The following FAM184B variants were observed in gnomAD, a reference collection of about 807,000 sequenced individuals.
FAM184B encodes family with sequence similarity 184 member B.
FAM184B carries 111 observed loss-of-function variants against 135.9 expected under a neutral mutation model. The ratio of observed to expected loss-of-function variants is 0.82; its 90% CI spans 0.70 to 0.96. FAM184B has a LOEUF of 0.96. Among genes scored for constraint, FAM184B ranks in the 40% least tolerant of loss-of-function variants. The pLI is 0.00. For synonymous variants in FAM184B, 552 were observed against 524.8 expected, an observed-to-expected ratio of 1.05 and a Z score of -0.71; for missense variants, 1,375 against 1,323.9, an observed-to-expected ratio of 1.04 and a Z score of -0.60.
intron 6 of FAM184B, among the ~76,000 whole-genome samples, chr4:17,692,504 C>G (rs1716761495): frequency 6.6e-6 from 1 of 152,226 alleles, no homozygotes; most frequent in Non-Finnish European, 1.5e-5. Flanking sequence ...GCTGCAGCTC[C>G]TTACAGTCTC....
chr4:17,647,858 A>C, intron 11 of FAM184B, 67 bp from the exon 12 acceptor site: 15 of 1,477,730 alleles, frequency 1.0e-5, no homozygotes, highest in East Asian at 2.5e-5. Context: ...CATGGGGACA[A>C]CAGTCTCTGG....
chr4:17,778,462 C>T (rs1222688904), intron 1 of FAM184B, among the ~76,000 whole-genome samples: 1 of 151,918 alleles, frequency 6.6e-6, no homozygotes, highest in African/African-American at 2.4e-5. Flanking sequence ...AAAAGTGAAC[C>T]CAAAGGGAAC....
intron 8 of FAM184B, among the ~76,000 whole-genome samples, chr4:17,661,340 C>T (rs1238006369): frequency 6.6e-6 from 1 of 152,132 alleles, no homozygotes; most frequent in East Asian, 1.9e-4. Flanking sequence ...GACCTGAGGT[C>T]AGGAGTTCGA....
intron 1 of FAM184B, among the ~76,000 whole-genome samples, chr4:17,731,779 A>C (rs1717782170): frequency 6.6e-6 from 1 of 152,146 alleles, no homozygotes; most frequent in Admixed American, 6.6e-5. Flanking sequence ...CGAGACAGAA[A>C]GTTAAAAGTT....
chr4:17,683,158 T>C (rs1394598047), intron 7 of FAM184B, among the ~76,000 whole-genome samples: 2 of 152,180 alleles, frequency 1.3e-5, no homozygotes, highest in Admixed American at 6.5e-5. Context: ...TTGAACTACA[T>C]TACATTTTTT....
At chr4:17,674,505 G>C (rs1716266264) in intron 7 of FAM184B, among the ~76,000 whole-genome samples, 1 of 152,140 alleles carries the variant, frequency 6.6e-6, no homozygotes, top group Non-Finnish European at 1.5e-5. Flanking sequence ...GATCAGAATG[G>C]TCATTGCTGA....
At chr4:17,726,260 C>T (rs987933062) in intron 1 of FAM184B, among the ~76,000 whole-genome samples, 1 of 152,132 alleles carries the variant, frequency 6.6e-6, no homozygotes. Context: ...AAACCAGATT[C>T]CCAAATCCAT....
chr4:17,636,825 C>T (rs749068007), intron 14 of FAM184B, among the ~76,000 whole-genome samples, 180 bp from the exon 15 acceptor site: 1 of 150,838 alleles, frequency 6.6e-6, no homozygotes, highest in African/African-American at 2.4e-5. Context: ...AGGATTCCAG[C>T]TCTGTCAGGT....
intron 1 of FAM184B, among the ~76,000 whole-genome samples, chr4:17,762,794 C>G (rs1287421923): frequency 1.3e-5 from 2 of 152,166 alleles, no homozygotes. Flanking sequence ...CTAAACCCTC[C>G]AAGTTGTTTG....
At chr4:17,694,364 A>G (rs1281741778) in intron 5 of FAM184B, among the ~76,000 whole-genome samples, 3 of 152,160 alleles carry the variant, frequency 2.0e-5, no homozygotes, top group Admixed American at 6.5e-5. Flanking sequence ...TCCACTAAAA[A>G]TACAAAAAAC....
chr4:17,707,431 C>A (rs2108965105), intron 3 of FAM184B, among the ~76,000 whole-genome samples: 1 of 152,260 alleles, frequency 6.6e-6, no homozygotes, highest in African/African-American at 2.4e-5. Flanking sequence ...CACATCACAC[C>A]TTTTAGATGT....
At position 17,658,570 on chromosome 4, in the gene FAM184B, CA is replaced by C. The variant is rs1715835979; in HGVS notation, c.1825-9del. The C allele has an allele frequency of 5.2e-6, 8 of 1,549,598 alleles. No homozygotes were observed. Among genetic ancestry groups the C allele is most frequent in the African/African-American group, 1.4e-5 (1 of 73,134 alleles). On this transcript the variant is annotated splice_polypyrimidine_tract_variant and intron_variant, in intron 9 of 17. Coordinates refer to ENST00000265018, the MANE Select transcript of FAM184B (RefSeq NM_015688.2). ...CTGCTGCATCTGTGAGACCTGCGCA[CA>C]AGGCATCCTGCCCTCAGTCTAAGCC...
At chr4:17,749,233 G>A (rs1413793145) in intron 1 of FAM184B, among the ~76,000 whole-genome samples, 3 of 151,902 alleles carry the variant, frequency 2.0e-5, no homozygotes, top group Non-Finnish European at 4.4e-5. Flanking sequence ...AATGTCTATG[G>A]ACTCTAGTTC....
chr4:17,693,422 G>A lies in FAM184B; in HGVS notation c.1378-10C>T. The A allele has an allele frequency of 6.5e-7, 1 of 1,545,540 alleles. No homozygotes were observed. Among genetic ancestry groups the A allele is most frequent in the Non-Finnish European group, 8.8e-7 (1 of 1,141,590 alleles). Reference sequence around the variant, plus strand: ...ACTGTGCTTCTACTTCCTAAATGATGATTGGAAGAGTTAACCATACAAGGC... The same window carrying A: ...ACTGTGCTTCTACTTCCTAAATGATAATTGGAAGAGTTAACCATACAAGGC... On this transcript the variant is annotated splice_polypyrimidine_tract_variant and intron_variant, in intron 5 of 17. Transcript: ENST00000265018.
chr4:17,726,512 C>G (rs1376540862), intron 1 of FAM184B, among the ~76,000 whole-genome samples: 1 of 152,138 alleles, frequency 6.6e-6, no homozygotes, highest in African/African-American at 2.4e-5. Flanking sequence ...GCTGGGATTA[C>G]AGGTATGTGC....
chr4:17,657,674 T>TTTTTTA (rs1715808203), intron 10 of FAM184B, among the ~76,000 whole-genome samples: 1 of 149,702 alleles, frequency 6.7e-6, no homozygotes, highest in African/African-American at 2.5e-5. Flanking sequence ...TTTTTTTTTT[T>TTTTTTA]GAGACAGAGT....
intron 1 of FAM184B, among the ~76,000 whole-genome samples, chr4:17,769,962 A>G (rs1202650020): frequency 6.6e-6 from 1 of 152,158 alleles, no homozygotes; most frequent in Non-Finnish European, 1.5e-5. Context: ...TAGTCTGAAG[A>G]GACATCTGAG....
At chr4:17,688,182 A>C (rs1032598198) in intron 7 of FAM184B, among the ~76,000 whole-genome samples, 1 of 152,132 alleles carries the variant, frequency 6.6e-6, no homozygotes, top group African/African-American at 2.4e-5. Flanking sequence ...GAGAGAGCGG[A>C]GACTCATCTG....
chr4:17,700,088 G>C (rs1716951060), intron 5 of FAM184B, among the ~76,000 whole-genome samples: 1 of 152,086 alleles, frequency 6.6e-6, no homozygotes, highest in African/African-American at 2.4e-5. Context: ...GGTGGAGCTA[G>C]AAAATGGAAT....
Sources: gnomAD v4.1 joint callset for allele counts (sites outside exome capture counted in the v4.1 genomes callset) on GRCh38, gnomAD v4.1.1 for gene constraint, MANE v1.5 for transcripts, NCBI Gene and HGNC (gene_info 2026-07-23, HGNC 2026-07-21) for gene names.